ARHGAP24: variants seen among roughly 807,000 people sequenced by gnomAD.
ARHGAP24 encodes Rho GTPase activating protein 24.
A neutral mutation model predicts 76.4 loss-of-function variants in ARHGAP24; 50 were observed. The observed-to-expected ratio is 0.65, with a 90% confidence interval of 0.52 to 0.83. ARHGAP24 has a LOEUF of 0.83. ARHGAP24 is among the 40% of genes least tolerant of loss of function. The probability of loss-of-function intolerance (pLI) is 0.00; values close to 1 mark genes in which losing one functional copy is unlikely to be tolerated. For synonymous variants in ARHGAP24, 345 were observed against 323.3 expected, an observed-to-expected ratio of 1.07 and a Z score of -0.72; for missense variants, 930 against 914.2, an observed-to-expected ratio of 1.02 and a Z score of -0.22.
chr4:85,525,500 G>T lies in ARHGAP24; in HGVS notation c.-20-45022G>T, dbSNP rs541845299. ...TGAGTTTTATAAAAAAAAAAAGTAA[G>T]CATGGAAAGTCACTAATTTTTCAGA... On this transcript the variant is annotated intron_variant, in intron 1 of 9. Transcript: ENST00000395184. Among the ~76,000 whole-genome samples the T allele has an allele frequency of 8.6e-5, 13 of 151,630 alleles. No homozygotes were observed. In the East Asian group the frequency reaches 2.5e-3, roughly 29 times the overall value.
intron 1 of ARHGAP24, among the ~76,000 whole-genome samples, chr4:85,494,612 T>C (rs1176722055): frequency 1.3e-5 from 2 of 149,884 alleles, no homozygotes; most frequent in Non-Finnish European, 3.0e-5. Context: ...ACCCAGGAAG[T>C]GGAGGTTGCA....
chr4:85,984,832 AT>A, intron 8 of ARHGAP24, among the ~76,000 whole-genome samples: 1 of 152,086 alleles, frequency 6.6e-6, no homozygotes, highest in African/African-American at 2.4e-5. Flanking sequence ...TTTACTACTA[AT>A]TTTTTTCAAG....
chr4:85,948,952 G>A (rs536949782), intron 5 of ARHGAP24, among the ~76,000 whole-genome samples: 1 of 152,166 alleles, frequency 6.6e-6, no homozygotes, highest in South Asian at 2.1e-4. Context: ...TCTTTTTTAG[G>A]TCACGTTGCT....
At chr4:85,478,749 G>T (rs772964394) in intron 1 of ARHGAP24, among the ~76,000 whole-genome samples, 18 of 152,022 alleles carry the variant, frequency 1.2e-4, no homozygotes, top group Non-Finnish European at 2.1e-4. Context: ...CATTCTCCTG[G>T]AATGCCTTCT....
intron 2 of ARHGAP24, among the ~76,000 whole-genome samples, chr4:85,621,017 T>C (rs1292958761): frequency 1.3e-5 from 2 of 152,098 alleles, no homozygotes; most frequent in Non-Finnish European, 2.9e-5. Context: ...CACTTGTAAG[T>C]GGGAACATGC....
At chr4:85,590,192 GCCTTCCTTCCTTCCTTCCTT>G (rs563217345) in intron 2 of ARHGAP24, among the ~76,000 whole-genome samples, 6,878 of 111,214 alleles carry the variant, frequency 0.062, 317 homozygotes, top group African/African-American at 0.13. Flanking sequence ...CTGCCTGCCT[GCCTTCCTTCCTTCCTTCCTT>G]CCTTCCTTCC....
At chr4:85,793,560 C>G (rs1383879076) in intron 3 of ARHGAP24, among the ~76,000 whole-genome samples, 2 of 152,196 alleles carry the variant, frequency 1.3e-5, no homozygotes, top group East Asian at 3.8e-4. Context: ...CTGGCAAACT[C>G]TGTCATCACA....
At chr4:85,807,750 C>T (rs1728852911) in intron 3 of ARHGAP24, among the ~76,000 whole-genome samples, 1 of 152,142 alleles carries the variant, frequency 6.6e-6, no homozygotes, top group Admixed American at 6.6e-5. Flanking sequence ...CAGGGGCTGA[C>T]CTCAGAATTG....
Position 85,501,038 on chromosome 4 carries a change from A to G in ARHGAP24, c.-21+25479A>G, listed in dbSNP as rs557568590. Among the ~76,000 whole-genome samples, 3 of 152,300 alleles carry G rather than the reference A, an allele frequency of 2.0e-5. No homozygotes were observed. In the East Asian group the frequency reaches 5.8e-4, roughly 29 times the overall value. On this transcript the variant is annotated intron_variant, in intron 1 of 9. Coordinates refer to ENST00000395184, the MANE Select transcript of ARHGAP24 (RefSeq NM_001025616.3). The stretch of plus-strand genomic sequence containing the variant: ...CTCTAGCTTCATCCATGTCCCTGCA[A>G]AGACATGAACTCATCCTTTTTTATG...
chr4:85,517,226 T>C (rs796932953), intron 1 of ARHGAP24, among the ~76,000 whole-genome samples: 9 of 152,326 alleles, frequency 5.9e-5, no homozygotes, highest in African/African-American at 2.2e-4. Flanking sequence ...TTCACCATTA[T>C]ATGTGAGTTA....
intron 3 of ARHGAP24, among the ~76,000 whole-genome samples, chr4:85,853,970 C>A (rs1429112171): frequency 1.3e-5 from 2 of 148,286 alleles, no homozygotes; most frequent in African/African-American, 2.5e-5. Flanking sequence ...AACAAAAAGA[C>A]AAAAAAAAAC....
At chr4:85,905,919 T>C (rs1450096450) in intron 3 of ARHGAP24, among the ~76,000 whole-genome samples, 2 of 152,168 alleles carry the variant, frequency 1.3e-5, no homozygotes, top group African/African-American at 4.8e-5. Flanking sequence ...GTCACCTGTG[T>C]ACCAATTAGT....
intron 5 of ARHGAP24, among the ~76,000 whole-genome samples, chr4:85,956,958 T>C (rs1223740596): frequency 6.6e-6 from 1 of 152,218 alleles, no homozygotes; most frequent in East Asian, 1.9e-4. Flanking sequence ...TGCCTGGGTT[T>C]ATATCCCGAT....
chr4:85,656,557 T>C (rs779580823), intron 2 of ARHGAP24, among the ~76,000 whole-genome samples: 27 of 152,126 alleles, frequency 1.8e-4, no homozygotes, highest in Non-Finnish European at 3.7e-4. Context: ...AAACTTCGCC[T>C]CCTGAGTTCA....
intron 1 of ARHGAP24, among the ~76,000 whole-genome samples, chr4:85,553,985 A>G (rs1227155310): frequency 6.6e-6 from 1 of 152,234 alleles, no homozygotes; most frequent in Non-Finnish European, 1.5e-5. Context: ...CACTCCTTAC[A>G]GAACCTTTTG....
chr4:85,660,977 A>G (rs1170311995), intron 2 of ARHGAP24, among the ~76,000 whole-genome samples: 1 of 152,142 alleles, frequency 6.6e-6, no homozygotes, highest in Non-Finnish European at 1.5e-5. Context: ...CCACAGGCAA[A>G]CACTTTGAAG....
intron 3 of ARHGAP24, among the ~76,000 whole-genome samples, chr4:85,757,606 C>A (rs150050000): frequency 0.024 from 3,631 of 152,256 alleles, 144 homozygotes; most frequent in African/African-American, 0.083. Context: ...TTTCTTAACC[C>A]AGCCTATCAT....
At chr4:85,773,497 C>T (rs1467699663) in intron 3 of ARHGAP24, among the ~76,000 whole-genome samples, 1 of 152,120 alleles carries the variant, frequency 6.6e-6, no homozygotes, top group African/African-American at 2.4e-5. Context: ...TAATCCTCTC[C>T]TTCTGCATTC....
At chr4:85,640,659 C>T (rs975638816) in intron 2 of ARHGAP24, among the ~76,000 whole-genome samples, 1 of 152,104 alleles carries the variant, frequency 6.6e-6, no homozygotes, top group Non-Finnish European at 1.5e-5. Flanking sequence ...TCAGCCTTTG[C>T]CCTCAAAGGA....
Sources: allele counts gnomAD v4.1 joint callset (sites outside exome capture counted in the v4.1 genomes callset), GRCh38; gene constraint gnomAD v4.1.1; transcripts MANE v1.5; gene names NCBI Gene and HGNC (gene_info 2026-07-23, HGNC 2026-07-21).